Variants in CUX1 observed in about 807,000 individuals in gnomAD.
CUX1 encodes protein CASP.
In CUX1, 31 loss-of-function variants were observed where a neutral mutation model predicts 158.8. The ratio of observed to expected loss-of-function variants is 0.20; its 90% CI spans 0.15 to 0.26. The LOEUF (loss-of-function observed/expected upper bound fraction) is 0.26. Ranked by LOEUF, CUX1 falls within the 10% of genes least tolerant of loss-of-function variation. The pLI is 1.00. For missense variants in CUX1, 1,589 were observed against 2,014.6 expected (o/e 0.79, Z 4.04); for synonymous variants, 879 against 862.1 (o/e 1.02, Z -0.34).
At chr7:101,921,745 C>T (rs886974901) in intron 2 of CUX1, among the ~76,000 whole-genome samples, 1 of 152,132 alleles carries the variant, frequency 6.6e-6, no homozygotes, top group East Asian at 1.9e-4. Context: ...GCATGAGTCA[C>T]CACACCCGGC....
intron 2 of CUX1, among the ~76,000 whole-genome samples, chr7:101,934,570 A>G (rs1806697159): frequency 1.3e-5 from 2 of 152,192 alleles, no homozygotes; most frequent in Non-Finnish European, 2.9e-5. Context: ...CGAGCCTCTC[A>G]TGAGTTAAAG....
intron 9 of CUX1, among the ~76,000 whole-genome samples, chr7:102,170,228 G>A (rs185661520): frequency 1.2e-3 from 176 of 152,270 alleles, no homozygotes; most frequent in Non-Finnish European, 1.4e-3. Flanking sequence ...TGCTCCTAGC[G>A]TTAAATTACT....
chr7:102,282,795 GC>G (rs543924533), intron 22 of CUX1: 78 of 1,595,840 alleles, frequency 4.9e-5, no homozygotes, highest in South Asian at 2.8e-4. Context: ...CCCCACTTGG[GC>G]CCCCCCTCAG....
intron 1 of CUX1, among the ~76,000 whole-genome samples, chr7:101,842,946 C>T (rs1225632814): frequency 6.9e-6 from 1 of 145,886 alleles, no homozygotes; most frequent in African/African-American, 2.6e-5. Context: ...GATCTCGGCT[C>T]ACTCCACCTC....
chr7:102,114,234 T>C (rs1055469344), intron 7 of CUX1, among the ~76,000 whole-genome samples: 21 of 152,222 alleles, frequency 1.4e-4, no homozygotes, highest in African/African-American at 4.8e-4. Context: ...CATGCAATTA[T>C]GTATGGAAAA....
chr7:102,008,230 G>T (rs954092141), intron 2 of CUX1, among the ~76,000 whole-genome samples: 1 of 152,090 alleles, frequency 6.6e-6, no homozygotes, highest in Non-Finnish European at 1.5e-5. Flanking sequence ...TAGGGGCTTC[G>T]GTGATCTGGG....
chr7:101,984,092 A>AAT (rs1813888520), intron 2 of CUX1, among the ~76,000 whole-genome samples: 2 of 19,626 alleles, frequency 1.0e-4, no homozygotes, highest in South Asian at 3.9e-3. Flanking sequence ...AAAAAAAAAT[A>AAT]TATATATATA....
At chr7:101,942,779 C>T (rs1294966746) in intron 2 of CUX1, among the ~76,000 whole-genome samples, 4 of 152,214 alleles carry the variant, frequency 2.6e-5, no homozygotes, top group Non-Finnish European at 5.9e-5. Flanking sequence ...GACTCTGGGT[C>T]AGAGGGCAGC....
chr7:102,009,821 T>C (rs767179225), intron 2 of CUX1, among the ~76,000 whole-genome samples: 13 of 152,256 alleles, frequency 8.5e-5, no homozygotes, highest in Non-Finnish European at 1.8e-4. Context: ...GTAAAAGCTT[T>C]GGAATTACTA....
Position 102,160,592 on chromosome 7 carries a change from C to T in CUX1, c.723+1984C>T, listed in dbSNP as rs577572003. On this transcript the variant is annotated intron_variant, in intron 9 of 23. Coordinates refer to ENST00000292535, the MANE Select transcript of CUX1 (RefSeq NM_181552.4). ...CTCGGTATTTCCTGTGTGGCCTTGA[C>T]GGGTCTCTTAATCTCTTAAATTTCT... is the stretch of plus-strand genomic sequence containing the variant. Among the ~76,000 whole-genome samples the T allele has an allele frequency of 1.2e-4, 19 of 152,128 alleles. No individual in the cohort carries two copies. The South Asian group carries it at 1.3e-3, about 10-fold the overall frequency.
intron 6 of CUX1, among the ~76,000 whole-genome samples, chr7:102,105,201 A>ACT (rs1830205049): frequency 6.6e-6 from 1 of 151,890 alleles, no homozygotes; most frequent in African/African-American, 2.4e-5. Context: ...ACACACACAC[A>ACT]CACACACACA....
In CUX1 at chr7:102,250,084, C is replaced by T. The variant is rs1801338521; in HGVS notation, c.*1042C>T. 6 of 984,902 alleles carry T rather than the reference C, an allele frequency of 6.1e-6. No homozygotes were observed. Among genetic ancestry groups the T allele is most frequent in the Middle Eastern group, 5.2e-4 (1 of 1,912 alleles). 61.0% of individuals were successfully genotyped at this position (984,902 alleles called of 1,614,324 possible). On this transcript the variant is annotated 3_prime_UTR_variant, in exon 24 of 24. Coordinates refer to ENST00000292535, the MANE Select transcript of CUX1 (RefSeq NM_181552.4). ...AAAGAAAAAAAAAAAAGAAAAGATC[C>T]GAATCTAGGTATTTTATAATCTGCT...
In CUX1 at chr7:102,255,463, G is replaced by A. The variant is rs1554541719; in HGVS notation, c.*6421G>A. The A allele has an allele frequency of 1.0e-6, 1 of 984,406 alleles. No homozygotes were observed. Among genetic ancestry groups the A allele is most frequent in the Admixed American group, 6.2e-5 (1 of 16,204 alleles). 61.0% of individuals were successfully genotyped at this position (984,406 alleles called of 1,614,324 possible). On this transcript the variant is annotated 3_prime_UTR_variant, in exon 24 of 24. Coordinates refer to ENST00000292535, the MANE Select transcript of CUX1 (RefSeq NM_181552.4). ...ATGCATAAATGTGCACTTCCCCCAT[G>A]CCCCCGTTCTTAAACTCTTAAGATG...
intron 14 of CUX1, among the ~76,000 whole-genome samples, chr7:102,272,900 G>A (rs113703308): frequency 0.01 from 1,597 of 152,184 alleles, 21 homozygotes; most frequent in African/African-American, 0.037. Flanking sequence ...CTGCACCCCC[G>A]CGGCTTTCTC....
chr7:102,208,157 C>T (rs1296551211), intron 20 of CUX1, among the ~76,000 whole-genome samples: 4 of 151,846 alleles, frequency 2.6e-5, no homozygotes, highest in Middle Eastern at 3.2e-3. Flanking sequence ...CACTGCACTC[C>T]AAGCTGGGTG....
At position 102,073,630 on chromosome 7, in the gene CUX1, AAAG is replaced by A. The variant is rs377138487; in HGVS notation, c.268+3215_268+3217del. On this transcript the variant is annotated intron_variant, in intron 4 of 23. Transcript: ENST00000292535. ...GTTCTGTGTTAATTTCCCATAGAAA[AAAG>A]ACCGTTTTTCTCATCAACGTTTCCT... Among the ~76,000 whole-genome samples the A allele has an allele frequency of 4.6e-5, 7 of 152,300 alleles. No homozygotes were observed. The East Asian group carries it at 1.2e-3, about 25-fold the overall frequency.
At chr7:102,219,395 C>G (rs1445938409) in intron 20 of CUX1, among the ~76,000 whole-genome samples, 1 of 152,124 alleles carries the variant, frequency 6.6e-6, no homozygotes, top group African/African-American at 2.4e-5. Context: ...CCCACACCCC[C>G]TACAGAATCT....
At position 101,833,447 on chromosome 7, in the gene CUX1, C is replaced by T. The variant is rs541664250; in HGVS notation, c.30+15778C>T. Among the ~76,000 whole-genome samples, 5 of 146,756 alleles carry T rather than the reference C, an allele frequency of 3.4e-5. No homozygotes were observed. In the South Asian group the frequency reaches 1.1e-3, roughly 32 times the overall value. Reference sequence around the variant, plus strand: ...GTGCACACCTGTGATCCTGGCTGCTCAGGAGGCTGAGGCAGGAGGATCGCT... The same window carrying T: ...GTGCACACCTGTGATCCTGGCTGCTTAGGAGGCTGAGGCAGGAGGATCGCT... On this transcript the variant is annotated intron_variant, in intron 1 of 23. Coordinates refer to ENST00000292535, the MANE Select transcript of CUX1 (RefSeq NM_181552.4).
Position 102,249,681 on chromosome 7 carries a change from G to T in CUX1, c.*639G>T. ...TTCTTAAACCAGGAAAAAATAAAAG[G>T]GGGGGTGGGATTTTTCAGAAAAATT... On this transcript the variant is annotated 3_prime_UTR_variant, in exon 24 of 24. Transcript: ENST00000292535. The T allele has an allele frequency of 1.0e-6, 1 of 985,582 alleles. No homozygotes were observed. The highest frequency in any genetic ancestry group is 1.2e-6 in the Non-Finnish European group (1 of 829,864). The allele number at this position is 985,582 out of a possible 1,614,324, so 61.1% of individuals were successfully genotyped here. A position where few individuals can be genotyped will look rare whatever the true frequency, so the allele number is the denominator to read the frequency against.
Sources: allele counts gnomAD v4.1 joint callset (sites outside exome capture counted in the v4.1 genomes callset), GRCh38; gene constraint gnomAD v4.1.1; transcripts MANE v1.5; gene names NCBI Gene and HGNC (gene_info 2026-07-23, HGNC 2026-07-21).